The following VAC14 variants were observed in gnomAD, a reference collection of about 807,000 sequenced individuals.
The protein encoded by VAC14 is VAC14 component of PIKFYVE complex.
VAC14 carries 47 observed loss-of-function variants against 85.3 expected under a neutral mutation model. The ratio of observed to expected loss-of-function variants is 0.55; its 90% CI spans 0.44 to 0.70. VAC14 has a LOEUF of 0.70. Among genes scored for constraint, VAC14 ranks in the 30% least tolerant of loss-of-function variants. The pLI, the probability that VAC14 is intolerant of heterozygous loss-of-function variation, is 0.00. For synonymous variants in VAC14, 447 were observed against 430.5 expected (o/e 1.04, Z -0.47); for missense variants, 861 against 1,004.3 (o/e 0.86, Z 1.93).
intron 13 of VAC14, among the ~76,000 whole-genome samples, chr16:70,737,977 T>C (rs527356431): frequency 6.9e-4 from 105 of 152,166 alleles, no homozygotes; most frequent in Non-Finnish European, 9.6e-4. Flanking sequence ...CAAGATCTGC[T>C]GCCTGGAGGA....
chr16:70,751,010 C>A (rs1292397616), intron 12 of VAC14, among the ~76,000 whole-genome samples: 3 of 152,180 alleles, frequency 2.0e-5, no homozygotes, highest in African/African-American at 7.2e-5. Flanking sequence ...TCAGTCTCAA[C>A]TGAATAAATA....
chr16:70,730,555 C>A (rs907853615), intron 14 of VAC14, among the ~76,000 whole-genome samples: 2 of 151,768 alleles, frequency 1.3e-5, no homozygotes, highest in African/African-American at 4.8e-5. Context: ...CCCCATCACC[C>A]CAGGGGTTCC....
chr16:70,736,556 C>CT (rs949929827), intron 13 of VAC14, among the ~76,000 whole-genome samples: 2 of 152,194 alleles, frequency 1.3e-5, no homozygotes, highest in Admixed American at 6.5e-5. Context: ...AAGAGAAGGG[C>CT]TGGGCTGCTC....
At chr16:70,694,313 G>A (rs1304917935) in intron 17 of VAC14, among the ~76,000 whole-genome samples, 1 of 152,224 alleles carries the variant, frequency 6.6e-6, no homozygotes, top group Non-Finnish European at 1.5e-5. Flanking sequence ...GTCTTTTTAG[G>A]ATCTGACCTC....
intron 10 of VAC14, among the ~76,000 whole-genome samples, chr16:70,766,790 T>G (rs1025653051): frequency 2.0e-5 from 3 of 152,184 alleles, no homozygotes; most frequent in African/African-American, 7.2e-5. Context: ...AGATCCCAGC[T>G]GCTGTCGGCT....
At chr16:70,700,957 G>A (rs2053813836) in intron 14 of VAC14, among the ~76,000 whole-genome samples, 2 of 152,350 alleles carry the variant, frequency 1.3e-5, no homozygotes, top group South Asian at 2.1e-4. Context: ...GTGAGGGCAG[G>A]CTGAGGAGGG....
In VAC14 at chr16:70,755,559, A is replaced by T. The variant is rs2031768806; in HGVS notation, c.1371+6981T>A. On this transcript the variant is annotated intron_variant, in intron 12 of 18. Transcript: ENST00000261776. ...AGTGATCCTCCTCACACCTCGGGGT[A>T]ACTAAGATCACTCCTGGACCACCAT... 2.0e-5 allele frequency among the ~76,000 whole-genome samples: 3 copies of T among 152,360 alleles called. 1 individual carries two copies. The South Asian group carries it at 6.2e-4, about 32-fold the overall frequency.
chr16:70,768,971 T>A, intron 10 of VAC14: 1 of 283,506 alleles, frequency 3.5e-6, no homozygotes, highest in South Asian at 2.8e-5. Context: ...TGGCTATTTT[T>A]TTTTTTTTTT....
chr16:70,689,781 C>G, intron 18 of VAC14: 9 of 985,540 alleles, frequency 9.1e-6, no homozygotes, highest in Non-Finnish European at 1.1e-5. Context: ...GGGCAGTGTT[C>G]TAGGCTGTGG....
intron 1 of VAC14, among the ~76,000 whole-genome samples, chr16:70,794,302 C>T (rs986925186): frequency 4.6e-5 from 7 of 152,350 alleles, no homozygotes; most frequent in East Asian, 1.9e-4. Context: ...CATTCCCCCG[C>T]GCCCTAGGCA....
chr16:70,725,084 C>T (rs1435677747), intron 14 of VAC14, among the ~76,000 whole-genome samples: 1 of 152,232 alleles, frequency 6.6e-6, no homozygotes, highest in Admixed American at 6.5e-5. Flanking sequence ...GGGCCAGAGG[C>T]AAACAGGGAT....
At chr16:70,748,595 G>C (rs1210159779) in intron 12 of VAC14, among the ~76,000 whole-genome samples, 1 of 152,224 alleles carries the variant, frequency 6.6e-6, no homozygotes, top group Non-Finnish European at 1.5e-5. Context: ...TGGGGCCAGA[G>C]GTGAGGGTAT....
chr16:70,712,944 G>A (rs970906435), intron 14 of VAC14, among the ~76,000 whole-genome samples: 3 of 152,184 alleles, frequency 2.0e-5, no homozygotes, highest in Admixed American at 2.0e-4. Context: ...GCCTGGCCAC[G>A]ATAGTGGAGC....
chr16:70,695,138 G>A (rs1168998178), intron 17 of VAC14, among the ~76,000 whole-genome samples: 1 of 149,542 alleles, frequency 6.7e-6, no homozygotes, highest in African/African-American at 2.5e-5. Context: ...CTGAGGCAGG[G>A]TCTTGCTCTG....
chr16:70,711,997 C>T (rs1027490272), intron 14 of VAC14, among the ~76,000 whole-genome samples: 1 of 152,088 alleles, frequency 6.6e-6, no homozygotes, highest in Non-Finnish European at 1.5e-5. Context: ...TAGTGGTGGG[C>T]CACAGCATGG....
In VAC14 at chr16:70,800,876, G is replaced by A; in HGVS notation, c.25C>T (p.Pro9Ser). Residue 9 changes from proline (P) to serine (S), a missense_variant, in exon 1 of 19, where the codon CCG becomes TCG. This residue lies in a region of VAC14 where 629 missense variants were observed against 703.1 expected (regional missense o/e 0.89). Coordinates refer to ENST00000261776, the MANE Select transcript of VAC14 (RefSeq NM_018052.5). MNPEKDFA[P>S]LTPNIVRALN... ...GCGCGCACGATGTTAGGCGTGAGCGGCGCGAAATCCTTCTCGGGGTTCATG... is the reference window on the plus strand; with the variant it reads ...GCGCGCACGATGTTAGGCGTGAGCGACGCGAAATCCTTCTCGGGGTTCATG... 13 of 1,602,446 alleles carry A rather than the reference G, an allele frequency of 8.1e-6. No individual in the cohort carries two copies. The highest frequency in any genetic ancestry group is 2.3e-5 in the East Asian group (1 of 43,362).
chr16:70,712,943 C>T (rs1025048924), intron 14 of VAC14, among the ~76,000 whole-genome samples: 1 of 152,042 alleles, frequency 6.6e-6, no homozygotes, highest in Non-Finnish European at 1.5e-5. Flanking sequence ...AGCCTGGCCA[C>T]GATAGTGGAG....
chr16:70,774,680 A>G (rs1008832310), intron 9 of VAC14, among the ~76,000 whole-genome samples: 7 of 150,610 alleles, frequency 4.6e-5, no homozygotes, highest in African/African-American at 1.5e-4. Context: ...CTTTTCCTCC[A>G]TTATTGACTA....
At chr16:70,720,576 T>G (rs766326167) in intron 14 of VAC14, among the ~76,000 whole-genome samples, 1 of 151,866 alleles carries the variant, frequency 6.6e-6, no homozygotes, top group Admixed American at 6.6e-5. Flanking sequence ...GGGCTGGGAG[T>G]TGTCAAGTTT....
Sources: allele counts gnomAD v4.1 joint callset (sites outside exome capture counted in the v4.1 genomes callset), GRCh38; gene constraint gnomAD v4.1.1; regional missense constraint gnomAD v4.1.1; transcripts MANE v1.5; gene names NCBI Gene and HGNC (gene_info 2026-07-23, HGNC 2026-07-21).